The following CAPZA2 variants were observed in gnomAD, a reference collection of about 807,000 sequenced individuals.
CAPZA2 encodes the protein capping actin protein of muscle Z-line subunit alpha 2.
In CAPZA2, 13 loss-of-function variants were observed where a neutral mutation model predicts 44.0. The ratio of observed to expected loss-of-function variants is 0.30; its 90% CI spans 0.19 to 0.47. The LOEUF is 0.47. CAPZA2 is among the 20% of genes least tolerant of loss of function. The probability of loss-of-function intolerance (pLI) is 1.00; values close to 1 mark genes in which losing one functional copy is unlikely to be tolerated. For synonymous variants in CAPZA2, 94 were observed against 108.2 expected (o/e 0.87, Z 0.81); for missense variants, 244 against 338.6 (o/e 0.72, Z 2.19).
At chr7:116,912,499 AC>A (rs1585015411) in intron 8 of CAPZA2, among the ~76,000 whole-genome samples, 1 of 151,630 alleles carries the variant, frequency 6.6e-6, no homozygotes, top group East Asian at 1.9e-4. Flanking sequence ...TTCCCCCAGA[AC>A]CCTCCCAGCC....
chr7:116,903,230 A>AAG lies in CAPZA2; in HGVS notation c.220-944_220-943dup, dbSNP rs200298830. On this transcript the variant is annotated intron_variant, in intron 4 of 9. Coordinates refer to ENST00000361183, the MANE Select transcript of CAPZA2 (RefSeq NM_006136.3). ...ATATTGAAAGAAGCCAGATGCAGAG[A>AAG]AGAGTGTGTGTGTGTGTGTGTGTGT... Among the ~76,000 whole-genome samples, 380 of 98,778 alleles carry AAG rather than the reference A, an allele frequency of 3.8e-3. 3 individuals are homozygous for AAG. The highest frequency in any genetic ancestry group is 0.029 in the East Asian group (125 of 4,244). The allele number at this position is 98,778 out of a possible 152,430, so 64.8% of individuals were successfully genotyped here.
intron 1 of CAPZA2, among the ~76,000 whole-genome samples, chr7:116,877,064 G>C (rs1796631558): frequency 6.6e-6 from 1 of 152,194 alleles, no homozygotes; most frequent in South Asian, 2.1e-4. Flanking sequence ...GTTTGGCTAG[G>C]GGACCTTATC....
rs1791754844 is a variant in CAPZA2, at chr7:116,920,516, A to G, written c.*2649A>G. The G allele has an allele frequency of 6.6e-6, 1 of 152,204 alleles. No homozygotes were observed. The highest frequency in any genetic ancestry group is 2.4e-5 in the African/African-American group (1 of 41,400). The allele number at this position is 152,204 out of a possible 1,614,324, so 9.4% of individuals were successfully genotyped here. A position where few individuals can be genotyped will look rare whatever the true frequency, so the allele number is the denominator to read the frequency against. ...AGGTCTAGGTATATCCTAAAGGTAAAATCAGCAAGACCTGGGGAGAGTTTG... is the reference window on the plus strand; with the variant it reads ...AGGTCTAGGTATATCCTAAAGGTAAGATCAGCAAGACCTGGGGAGAGTTTG... On this transcript the variant is annotated 3_prime_UTR_variant, in exon 10 of 10. Coordinates refer to ENST00000361183, the MANE Select transcript of CAPZA2 (RefSeq NM_006136.3).
intron 1 of CAPZA2, 70 bp downstream of exon 1, chr7:116,862,720 C>G (rs1796432735): frequency 1.4e-6 from 2 of 1,476,384 alleles, no homozygotes; most frequent in Non-Finnish European, 1.8e-6. Context: ...GGCCCGGAGT[C>G]TGGTCGCGGG....
chr7:116,871,858 G>A (rs895627713), intron 1 of CAPZA2, among the ~76,000 whole-genome samples: 4 of 152,224 alleles, frequency 2.6e-5, no homozygotes, highest in African/African-American at 9.6e-5. Context: ...TTCCAGTAGA[G>A]CGCCTAGCCT....
intron 4 of CAPZA2, among the ~76,000 whole-genome samples, chr7:116,899,768 G>T (rs1288255080): frequency 1.3e-5 from 2 of 149,016 alleles, no homozygotes; most frequent in African/African-American, 2.5e-5. Context: ...AAGAAAATTT[G>T]CTGTGTCTTT....
Position 116,918,608 on chromosome 7 carries a change from A to G in CAPZA2, c.*741A>G, listed in dbSNP as rs1791716744. The G allele has an allele frequency of 6.6e-6, 1 of 152,600 alleles. No homozygotes were observed. The allele number at this position is 152,600 out of a possible 1,614,324, so 9.5% of individuals were successfully genotyped here. ...ATTTTTATCATAAAGCCACAAATGT[A>G]TTATAACAAGGCAAATTGTAATATA... On this transcript the variant is annotated 3_prime_UTR_variant, in exon 10 of 10. Transcript: ENST00000361183.
chr7:116,874,019 T>C (rs200430819), intron 1 of CAPZA2: 290 of 152,924 alleles, frequency 1.9e-3, no homozygotes, highest in Admixed American at 3.3e-3. Flanking sequence ...ATTGTACATT[T>C]CCAAATTCCA....
chr7:116,895,876 T>C (rs1161990994), intron 3 of CAPZA2, among the ~76,000 whole-genome samples: 2 of 152,092 alleles, frequency 1.3e-5, no homozygotes, highest in Non-Finnish European at 2.9e-5. Context: ...AAAGTAGTGT[T>C]ACCCTGTTCT....
At chr7:116,878,430 T>C (rs1233076175) in intron 1 of CAPZA2, among the ~76,000 whole-genome samples, 2 of 152,216 alleles carry the variant, frequency 1.3e-5, no homozygotes, top group Non-Finnish European at 2.9e-5. Context: ...AGAATAATCA[T>C]AGATAATATT....
At chr7:116,897,563 C>G (rs1283735798) in intron 3 of CAPZA2, among the ~76,000 whole-genome samples, 1 of 152,076 alleles carries the variant, frequency 6.6e-6, no homozygotes, top group African/African-American at 2.4e-5. Context: ...CCTGGCCATC[C>G]CGAATAATCT....
rs1245645317 is a variant in CAPZA2 at position 116,921,801 on chromosome 7, GGA to G, written c.*3940_*3941del. ...TGACCAACGGAGTGACTGGCTGAGGGGAGAGAGGAGAGGACTTAAGCAACTGT... is the reference window on the plus strand; with the variant it reads ...TGACCAACGGAGTGACTGGCTGAGGGGAGAGGAGAGGACTTAAGCAACTGT... On this transcript the variant is annotated 3_prime_UTR_variant, in exon 10 of 10. Transcript: ENST00000361183. 6.6e-6 allele frequency: 1 copy of G among 152,220 alleles called. No individual in the cohort carries two copies. Among genetic ancestry groups the G allele is most frequent in the African/African-American group, 2.4e-5 (1 of 41,442 alleles). The allele number at this position is 152,220 out of a possible 1,614,324, so 9.4% of individuals were successfully genotyped here.
In CAPZA2 at chr7:116,885,434, A is replaced by G. The variant is rs531846377; in HGVS notation, c.40-2693A>G. 8.5e-5 allele frequency among the ~76,000 whole-genome samples: 13 copies of G among 152,122 alleles called. No homozygotes were observed. In the South Asian group the frequency reaches 2.1e-3, roughly 24 times the overall value. ...GGAGTCCCCCACCAAAAATCAAGCA[A>G]TCAGTTCTACAGCGGACACCAGCTG... On this transcript the variant is annotated intron_variant, in intron 1 of 9. Coordinates refer to ENST00000361183, the MANE Select transcript of CAPZA2 (RefSeq NM_006136.3).
chr7:116,875,729 ATT>A (rs922141013), intron 1 of CAPZA2: 1 of 149,968 alleles, frequency 6.7e-6, no homozygotes, highest in African/African-American at 2.5e-5. Context: ...TTTTTTTTAA[ATT>A]TTTTGTAGAT....
intron 4 of CAPZA2, among the ~76,000 whole-genome samples, chr7:116,903,088 A>G (rs945339722): frequency 1.3e-5 from 2 of 152,238 alleles, no homozygotes; most frequent in Admixed American, 6.5e-5. Context: ...ATGGCACATC[A>G]GTAGTGGATT....
At chr7:116,868,452 G>T (rs767204201) in intron 1 of CAPZA2, among the ~76,000 whole-genome samples, 1 of 152,138 alleles carries the variant, frequency 6.6e-6, no homozygotes, top group Non-Finnish European at 1.5e-5. Context: ...GTTTTTATTG[G>T]CTGGGCGCGG....
intron 4 of CAPZA2, among the ~76,000 whole-genome samples, chr7:116,901,431 A>G (rs1796993049): frequency 6.6e-6 from 1 of 152,150 alleles, no homozygotes; most frequent in Non-Finnish European, 1.5e-5. Flanking sequence ...CAAATATCAC[A>G]TGTTCTCACT....
chr7:116,869,403 G>A lies in CAPZA2; in HGVS notation c.39+6753G>A, dbSNP rs752281589. On this transcript the variant is annotated intron_variant, in intron 1 of 9. Coordinates refer to ENST00000361183, the MANE Select transcript of CAPZA2 (RefSeq NM_006136.3). ...GAACTTTTCTTATACATTCTAATTCGCAGTGTTTCTACTGGAAATGACTTT... is the reference window on the plus strand; with the variant it reads ...GAACTTTTCTTATACATTCTAATTCACAGTGTTTCTACTGGAAATGACTTT... 4.6e-5 allele frequency among the ~76,000 whole-genome samples: 7 copies of A among 151,996 alleles called. No individual in the cohort carries two copies. In the South Asian group the frequency reaches 1.5e-3, roughly 32 times the overall value.
intron 9 of CAPZA2, 144 bp from the exon 10 acceptor site, chr7:116,917,583 A>T: frequency 1.5e-6 from 1 of 669,302 alleles, no homozygotes; most frequent in Non-Finnish European, 2.6e-6. Context: ...AACAGCTTTT[A>T]AAACAATGTT....
Sources: gnomAD v4.1 joint callset for allele counts (sites outside exome capture counted in the v4.1 genomes callset) on GRCh38, gnomAD v4.1.1 for gene constraint, MANE v1.5 for transcripts, NCBI Gene and HGNC (gene_info 2026-07-23, HGNC 2026-07-21) for gene names.